Variants in FBXW7 observed in about 807,000 individuals in gnomAD.
FBXW7 encodes the protein F-box/WD repeat-containing protein 7.
A neutral mutation model predicts 86.3 loss-of-function variants in FBXW7; 11 were observed. That is an observed-to-expected ratio of 0.13 (90% CI 0.08 to 0.21). FBXW7 has a LOEUF of 0.21. Ranked by LOEUF, FBXW7 falls within the 10% of genes least tolerant of loss-of-function variation. FBXW7 has a pLI of 1.00. For missense variants in FBXW7, 488 were observed against 847.4 expected (o/e 0.58, Z 5.27); for synonymous variants, 313 against 297.9 (o/e 1.05, Z -0.52).
intron 4 of FBXW7, among the ~76,000 whole-genome samples, chr4:152,375,948 G>A (rs1050009440): frequency 3.9e-5 from 6 of 152,002 alleles, no homozygotes; most frequent in Non-Finnish European, 8.8e-5. Flanking sequence ...ACAATAGTGA[G>A]AAATTACGAT....
chr4:152,356,752 A>G (rs1468245137), intron 4 of FBXW7, among the ~76,000 whole-genome samples: 1 of 152,224 alleles, frequency 6.6e-6, no homozygotes, highest in Non-Finnish European at 1.5e-5. Context: ...CTGGCAAACT[A>G]ATAAACCTGT....
At chr4:152,486,921 G>A (rs1745395734) in intron 2 of FBXW7, among the ~76,000 whole-genome samples, 1 of 152,028 alleles carries the variant, frequency 6.6e-6, no homozygotes, top group Non-Finnish European at 1.5e-5. Context: ...GTCCTAACAT[G>A]TTATAACAGC....
intron 4 of FBXW7, among the ~76,000 whole-genome samples, chr4:152,390,468 T>G (rs1237021457): frequency 6.6e-6 from 1 of 152,076 alleles, no homozygotes; most frequent in Non-Finnish European, 1.5e-5. Flanking sequence ...AGAATTTAGT[T>G]CGTGATTATT....
At chr4:152,384,885 G>C (rs1034997133) in intron 4 of FBXW7, among the ~76,000 whole-genome samples, 2 of 151,922 alleles carry the variant, frequency 1.3e-5, no homozygotes, top group Admixed American at 6.6e-5. Flanking sequence ...AGCCCTATGA[G>C]ACAACTTACT....
intron 2 of FBXW7, among the ~76,000 whole-genome samples, chr4:152,514,698 C>T (rs751379334): frequency 1.3e-5 from 2 of 152,148 alleles, no homozygotes; most frequent in Non-Finnish European, 2.9e-5. Context: ...TCCTGCCTCA[C>T]CATGTGATAC....
At chr4:152,395,884 G>C (rs757972122) in intron 4 of FBXW7, among the ~76,000 whole-genome samples, 2 of 151,952 alleles carry the variant, frequency 1.3e-5, no homozygotes, top group Non-Finnish European at 2.9e-5. Context: ...ACCAACCCAC[G>C]GAAGTGCTTT....
intron 2 of FBXW7, among the ~76,000 whole-genome samples, chr4:152,417,353 G>T (rs1415702956): frequency 6.6e-6 from 1 of 152,126 alleles, no homozygotes; most frequent in Non-Finnish European, 1.5e-5. Context: ...AGTTGCAGAT[G>T]TAAGAAACCC....
chr4:152,496,633 A>G (rs1746374516), intron 2 of FBXW7, among the ~76,000 whole-genome samples: 1 of 151,998 alleles, frequency 6.6e-6, no homozygotes, highest in South Asian at 2.1e-4. Context: ...AGCCGAGATC[A>G]CAACAAAAGC....
rs371752214 is a variant in FBXW7 at position 152,347,064 on chromosome 4, C to T, written c.592G>A (p.Gly198Arg). 5 of 1,572,102 alleles carry T rather than the reference C, an allele frequency of 3.2e-6. No homozygotes were observed. In the African/African-American group the frequency reaches 5.8e-5, roughly 18 times the overall value. The change falls in exon 6 of 14, where the codon GGG becomes AGG. Residue 198 changes from glycine to arginine, a missense_variant. Physicochemically the swap from Gly to Arg is moderately radical, Grantham distance 125. This residue lies in a region of FBXW7 where 230 missense variants were observed against 240.0 expected (regional missense o/e 0.96). Transcript: ENST00000281708. ...GGTGTTGCTGAACATGGTACAAGCC[C>T]AGTGGTACTACAAAAAAAAAAAAAA... ...CKVSEYTSTT[G>R]LVPCSATPTT... is the part of the protein sequence containing the mutation.
At chr4:152,336,644 G>C (rs1051753628) in intron 7 of FBXW7, among the ~76,000 whole-genome samples, 2 of 151,972 alleles carry the variant, frequency 1.3e-5, no homozygotes, top group Non-Finnish European at 2.9e-5. Flanking sequence ...CTATTCAAAG[G>C]ATTCAGTTTT....
chr4:152,471,529 GGGAAGGAT>G (rs1445070563), intron 2 of FBXW7, among the ~76,000 whole-genome samples: 2 of 141,104 alleles, frequency 1.4e-5, no homozygotes, highest in Non-Finnish European at 3.1e-5. Flanking sequence ...GAGGGAGGGA[GGGAAGGAT>G]GGAAGGAAGG....
chr4:152,450,385 T>C (rs1048170972), intron 2 of FBXW7, among the ~76,000 whole-genome samples: 2 of 152,224 alleles, frequency 1.3e-5, no homozygotes, highest in African/African-American at 4.8e-5. Context: ...ACACAGCTAT[T>C]CATCGAAAGA....
chr4:152,475,532 C>T (rs902024831), intron 2 of FBXW7, among the ~76,000 whole-genome samples: 11 of 151,792 alleles, frequency 7.2e-5, no homozygotes, highest in South Asian at 2.1e-4. Context: ...CTAGCAAGTG[C>T]AATTAAGAAA....
At chr4:152,485,377 T>C (rs1195273580) in intron 2 of FBXW7, among the ~76,000 whole-genome samples, 1 of 152,170 alleles carries the variant, frequency 6.6e-6, no homozygotes, top group African/African-American at 2.4e-5. Flanking sequence ...AAAAACTGCA[T>C]AGAAATCTTA....
chr4:152,340,575 C>CAAAAAAAAAAAAAAAAAAAAAA (rs556530800), intron 6 of FBXW7, among the ~76,000 whole-genome samples: 1 of 31,914 alleles, frequency 3.1e-5, no homozygotes, highest in Admixed American at 3.0e-4. Flanking sequence ...AACTCCATCT[C>CAAAAAAAAAAAAAAAAAAAAAA]AAAAAAAAAA....
chr4:152,518,464 T>C (rs1276282886), intron 2 of FBXW7, among the ~76,000 whole-genome samples: 3 of 152,134 alleles, frequency 2.0e-5, no homozygotes, highest in Non-Finnish European at 4.4e-5. Context: ...ACCCAGCTAA[T>C]TTATTTTATT....
At chr4:152,523,965 T>C (rs1439480876) in intron 2 of FBXW7, among the ~76,000 whole-genome samples, 1 of 152,174 alleles carries the variant, frequency 6.6e-6, no homozygotes, top group East Asian at 1.9e-4. Context: ...GTATTCCAAA[T>C]AGTAACACGT....
intron 2 of FBXW7, among the ~76,000 whole-genome samples, chr4:152,467,345 C>T (rs983666334): frequency 6.6e-6 from 1 of 152,160 alleles, no homozygotes; most frequent in Non-Finnish European, 1.5e-5. Flanking sequence ...TCTTCTGCCA[C>T]AACTGTAAGA....
intron 4 of FBXW7, among the ~76,000 whole-genome samples, chr4:152,361,138 T>A (rs980215344): frequency 2.0e-5 from 3 of 152,134 alleles, no homozygotes; most frequent in Non-Finnish European, 4.4e-5. Flanking sequence ...CACTGGATTC[T>A]TGCTCTAGAA....
Sources: allele counts gnomAD v4.1 joint callset (sites outside exome capture counted in the v4.1 genomes callset), GRCh38; gene constraint gnomAD v4.1.1; regional missense constraint gnomAD v4.1.1; transcripts MANE v1.5; gene names NCBI Gene and HGNC (gene_info 2026-07-23, HGNC 2026-07-21).